Variants in GLP1R observed in about 807,000 individuals in gnomAD.
GLP1R encodes the protein glucagon like peptide 1 receptor.
In GLP1R, 32 loss-of-function variants were observed where a neutral mutation model predicts 68.4. That is an observed-to-expected ratio of 0.47 (90% CI 0.35 to 0.63). The LOEUF (loss-of-function observed/expected upper bound fraction) is 0.63. Among genes scored for constraint, GLP1R ranks in the 20% least tolerant of loss-of-function variants. The pLI, the probability that GLP1R is intolerant of heterozygous loss-of-function variation, is 0.00. For synonymous variants in GLP1R, 263 were observed against 244.4 expected, an observed-to-expected ratio of 1.08 and a Z score of -0.71; for missense variants, 502 against 594.9, an observed-to-expected ratio of 0.84 and a Z score of 1.62.
At chr6:39,052,112 G>A (rs1768102048) in intron 1 of GLP1R, among the ~76,000 whole-genome samples, 1 of 152,024 alleles carries the variant, frequency 6.6e-6, no homozygotes. Context: ...AATGTGCTTG[G>A]GGGCGTGTGT....
rs1769189261 is a variant in GLP1R, at chr6:39,087,869, A to G, written c.*1796A>G. 1 of 152,116 alleles carries G rather than the reference A, an allele frequency of 6.6e-6. No homozygotes were observed. Among genetic ancestry groups the G allele is most frequent in the South Asian group, 2.1e-4 (1 of 4,822 alleles). The allele number at this position is 152,116 out of a possible 1,614,324, so 9.4% of individuals were successfully genotyped here. On this transcript the variant is annotated 3_prime_UTR_variant, in exon 13 of 13. Coordinates refer to ENST00000373256, the MANE Select transcript of GLP1R (RefSeq NM_002062.5). ...GGGGGCGTTCCTGCTTCCCCAGAAC[A>G]AGGGCAGGCTTCCCAAAGGCACCCC...
In GLP1R at chr6:39,086,166, G is replaced by GACACACACACACACACAC. The variant is rs34093988; in HGVS notation, c.*115_*132dup. The GACACACACACACACACAC allele has an allele frequency of 2.0e-4, 115 of 582,820 alleles. No individual in the cohort carries two copies. In the African/African-American group the frequency reaches 2.1e-3, roughly 11 times the overall value. 36.1% of individuals were successfully genotyped at this position (582,820 alleles called of 1,614,324 possible). On this transcript the variant is annotated 3_prime_UTR_variant, in exon 13 of 13. Transcript: ENST00000373256. The surrounding 1 kb of genome is among the most constrained non-coding windows in gnomAD (Gnocchi z 4.5). Reference sequence around the variant, plus strand: ...ACTCCCAGGGACAAGGGAAGGAAGGGACACACACACACACACACACACACA... The same window carrying GACACACACACACACACAC: ...ACTCCCAGGGACAAGGGAAGGAAGGGACACACACACACACACACACACACACACACACACACACACACA...
At chr6:39,082,145 T>A (rs1769025126) in intron 12 of GLP1R, among the ~76,000 whole-genome samples, 1 of 152,178 alleles carries the variant, frequency 6.6e-6, no homozygotes, top group African/African-American at 2.4e-5. Context: ...CCCTTGTCCC[T>A]GAGGCCTCCC....
chr6:39,048,994 G>C (rs1273669630), intron 1 of GLP1R, 76 bp downstream of exon 1: 2 of 598,538 alleles, frequency 3.3e-6, no homozygotes, highest in Non-Finnish European at 5.4e-6. Context: ...TCCTGGTGGA[G>C]GGCCCCGGGA....
intron 12 of GLP1R, among the ~76,000 whole-genome samples, chr6:39,084,683 TC>T (rs1438634180): frequency 6.6e-6 from 1 of 152,110 alleles, no homozygotes; most frequent in African/African-American, 2.4e-5. Context: ...CCTCCCCCAC[TC>T]AAGCTTGGGT....
chr6:39,055,697 G>A (rs1236596700), intron 1 of GLP1R, among the ~76,000 whole-genome samples: 1 of 150,218 alleles, frequency 6.7e-6, no homozygotes, highest in African/African-American at 2.5e-5. Flanking sequence ...AGATTTGGTT[G>A]CTGTGTCAGA....
chr6:39,079,190 A>G lies in GLP1R; in HGVS notation c.1033A>G (p.Ile345Val). 1 of 1,611,290 alleles carries G rather than the reference A, an allele frequency of 6.2e-7. No homozygotes were observed. Among genetic ancestry groups the G allele is most frequent in the Middle Eastern group, 1.7e-4 (1 of 6,052 alleles). The change falls in exon 10 of 13, where the codon ATC becomes GTC. Residue 345 changes from isoleucine to valine, a missense_variant. By Grantham distance (29) the Ile-to-Val change is conservative (BLOSUM62 3). Transcript: ENST00000373256. The surrounding 1 kb of genome is among the most constrained non-coding windows in gnomAD (Gnocchi z 4.5). ...LKANLMCKTD[I>V]KCRLAKSTLT... ...GGCCAATCTCATGTGCAAGACAGACATCAAATGCAGGTGATGTAACTGAGC... is the reference window on the plus strand; with the variant it reads ...GGCCAATCTCATGTGCAAGACAGACGTCAAATGCAGGTGATGTAACTGAGC...
chr6:39,057,396 G>A, intron 2 of GLP1R, 76 bp from the exon 3 acceptor site: 1 of 890,482 alleles, frequency 1.1e-6, no homozygotes, highest in Non-Finnish European at 1.9e-6. Flanking sequence ...AGGAGGGGAG[G>A]GGTCTTGGGG....
At chr6:39,078,815 G>A in intron 8 of GLP1R, 142 bp from the exon 9 acceptor site, 4 of 728,800 alleles carry the variant, frequency 5.5e-6, no homozygotes, top group East Asian at 2.4e-5. Flanking sequence ...GGGTCCATGG[G>A]ACTGGTTTTT....
chr6:39,066,298 CT>C lies in GLP1R; in HGVS notation c.506del (p.Phe169SerfsTer13). On this transcript the variant is annotated frameshift_variant, in exon 5 of 13. Coordinates refer to ENST00000373256, the MANE Select transcript of GLP1R (RefSeq NM_002062.5). LOFTEE classifies it high-confidence loss of function. ...LVIASAILLGFRHLHCTRNYI... is the reference protein window; with the variant it reads ...LVIASAILLGXRHLHCTRNYI... The stretch of plus-strand genomic sequence containing the variant: ...TTATCGCCTCTGCGATCCTCCTCGG[CT>C]TCAGGTAAGGTGGCCCGGACCCTGG... The C allele has an allele frequency of 6.3e-7, 1 of 1,593,124 alleles. No homozygotes were observed. The highest frequency in any genetic ancestry group is 8.6e-7 in the Non-Finnish European group (1 of 1,160,808).
At position 39,049,415 on chromosome 6, in the gene GLP1R, G is replaced by C. The variant is rs1213715723; in HGVS notation, c.78+497G>C. Among the ~76,000 whole-genome samples, 1 of 152,132 alleles carries C rather than the reference G, an allele frequency of 6.6e-6. No individual in the cohort carries two copies. Among genetic ancestry groups the C allele is most frequent in the Non-Finnish European group, 1.5e-5 (1 of 68,012 alleles). On this transcript the variant is annotated intron_variant, in intron 1 of 12. Coordinates refer to ENST00000373256, the MANE Select transcript of GLP1R (RefSeq NM_002062.5). This position sits in a 1 kb window ranked among gnomAD's most constrained non-coding sequence, Gnocchi z 4.5. ...TGGGAGGAGCTGAGAGGGCCAGGGT[G>C]CGGAGACCCGGCTCCTCTCCCTTTC...
At chr6:39,056,608 C>T in intron 2 of GLP1R, 115 bp downstream of exon 2, 1 of 605,670 alleles carries the variant, frequency 1.7e-6, no homozygotes. Flanking sequence ...GGATGCCACC[C>T]CTGCCCTCTG....
intron 5 of GLP1R, among the ~76,000 whole-genome samples, chr6:39,071,202 T>C (rs1768653343): frequency 1.3e-5 from 2 of 151,436 alleles, no homozygotes; most frequent in African/African-American, 4.8e-5. Context: ...AAAAATTAGG[T>C]GAGCATGGTG....
Position 39,078,421 on chromosome 6 carries a change from C to T in GLP1R, c.884+39C>T, listed in dbSNP as rs747622544. The T allele has an allele frequency of 6.5e-6, 9 of 1,380,478 alleles. No homozygotes were observed. The Admixed American group carries it at 1.2e-4, about 18-fold the overall frequency. The allele number at this position is 1,380,478 out of a possible 1,614,324, so 85.5% of individuals were successfully genotyped here. On this transcript the variant is annotated intron_variant, in intron 8 of 12. Transcript: ENST00000373256. Reference sequence around the variant, plus strand: ...TCCAAGGGGGCGGGTGTGCCCAGGTCCCCATCCTCAAGGTCCATGGGATTC... The same window carrying T: ...TCCAAGGGGGCGGGTGTGCCCAGGTTCCCATCCTCAAGGTCCATGGGATTC...
Position 39,081,187 on chromosome 6 carries a change from A to C in GLP1R, c.1224+448A>C, listed in dbSNP as rs113090116. On this transcript the variant is annotated intron_variant, in intron 12 of 12. Transcript: ENST00000373256. ...CTTATTTCATATTCCCATTTTTTAT[A>C]TATACATGAAAACACTGAAGATCAG... 5.8e-3 allele frequency among the ~76,000 whole-genome samples: 883 copies of C among 152,262 alleles called. 12 individuals are homozygous for C. Among genetic ancestry groups the C allele is most frequent in the African/African-American group, 0.019 (808 of 41,550 alleles).
intron 1 of GLP1R, among the ~76,000 whole-genome samples, chr6:39,052,262 GAAAA>G (rs1049841036): frequency 1.5e-4 from 22 of 151,530 alleles, no homozygotes; most frequent in African/African-American, 5.3e-4. Context: ...CTGAGCTTTT[GAAAA>G]AAAAGAAAGA....
At chr6:39,055,289 A>G (rs1183563150) in intron 1 of GLP1R, among the ~76,000 whole-genome samples, 1 of 152,234 alleles carries the variant, frequency 6.6e-6, no homozygotes, top group Admixed American at 6.5e-5. Context: ...AAAAAGCAAA[A>G]TGTTGTTTTA....
At chr6:39,077,149 G>A (rs973085105) in intron 7 of GLP1R, among the ~76,000 whole-genome samples, 5 of 152,158 alleles carry the variant, frequency 3.3e-5, no homozygotes, top group Non-Finnish European at 7.3e-5. Flanking sequence ...GGTACCTTGT[G>A]GCTCAGGATC....
In GLP1R at chr6:39,090,256, A is replaced by G. The variant is rs1236769369; in HGVS notation, c.*4183A>G. Among the ~76,000 whole-genome samples, 2 of 152,238 alleles carry G rather than the reference A, an allele frequency of 1.3e-5. No homozygotes were observed. The highest frequency in any genetic ancestry group is 1.3e-4 in the Admixed American group (2 of 15,284). On this transcript the variant is annotated 3_prime_UTR_variant, in exon 13 of 13. Transcript: ENST00000373256. Reference sequence around the variant, plus strand: ...ATCTATAAGTACTTCCGCTCTGTCAAGGAATACAGACTGGCAGGAAGCAGA... The same window carrying G: ...ATCTATAAGTACTTCCGCTCTGTCAGGGAATACAGACTGGCAGGAAGCAGA...
Sources: allele counts gnomAD v4.1 joint callset (sites outside exome capture counted in the v4.1 genomes callset), GRCh38; gene constraint gnomAD v4.1.1; non-coding constraint Gnocchi (gnomAD v3.1); transcripts MANE v1.5; gene names NCBI Gene and HGNC (gene_info 2026-07-23, HGNC 2026-07-21).